Variants in CSGALNACT1 observed in about 807,000 individuals in gnomAD.
The protein encoded by CSGALNACT1 is beta4GalNAcT-1.
CSGALNACT1 carries 52 observed loss-of-function variants against 51.0 expected under a neutral mutation model. The ratio of observed to expected loss-of-function variants is 1.02; its 90% CI spans 0.82 to 1.29. The LOEUF is 1.29. Among genes scored for constraint, CSGALNACT1 ranks in the 50% most tolerant of loss-of-function variants. The pLI is 0.00. For synonymous variants in CSGALNACT1, 341 were observed against 254.4 expected, an observed-to-expected ratio of 1.34 and a Z score of -3.24; for missense variants, 935 against 679.2, an observed-to-expected ratio of 1.38 and a Z score of -4.19.
At chr8:19,723,787 C>T (rs1175350477) in intron 1 of CSGALNACT1, among the ~76,000 whole-genome samples, 3 of 152,148 alleles carry the variant, frequency 2.0e-5, no homozygotes, top group African/African-American at 7.2e-5. Flanking sequence ...CTGGAAAATG[C>T]AAGTGGCTAT....
chr8:19,704,518 G>A (rs7840999), intron 1 of CSGALNACT1, among the ~76,000 whole-genome samples: 2,710 of 152,164 alleles, frequency 0.018, 86 homozygotes, highest in African/African-American at 0.063. Context: ...CAGTATTGAG[G>A]TTCTTCAAAA....
intron 4 of CSGALNACT1, among the ~76,000 whole-genome samples, chr8:19,464,996 T>C (rs984911057): frequency 2.6e-5 from 4 of 152,180 alleles, no homozygotes; most frequent in African/African-American, 9.7e-5. Context: ...TTTCTAGGTC[T>C]ATATCCCAAA....
At chr8:19,659,733 C>A (rs2058602943) in intron 1 of CSGALNACT1, among the ~76,000 whole-genome samples, 1 of 152,172 alleles carries the variant, frequency 6.6e-6, no homozygotes, top group Admixed American at 6.5e-5. Context: ...GGTCATCCAG[C>A]TTTTCCTGTT....
intron 1 of CSGALNACT1, among the ~76,000 whole-genome samples, chr8:19,718,374 T>G (rs2062932239): frequency 1.3e-5 from 2 of 152,174 alleles, no homozygotes; most frequent in Non-Finnish European, 2.9e-5. Context: ...AGTGCTGAGT[T>G]TACAGGCGTG....
intron 1 of CSGALNACT1, among the ~76,000 whole-genome samples, chr8:19,756,907 T>C (rs368326685): frequency 6.6e-6 from 1 of 151,798 alleles, no homozygotes; most frequent in East Asian, 1.9e-4. Flanking sequence ...GGACCCTCCC[T>C]GGAAGCTCCC....
intron 5 of CSGALNACT1, among the ~76,000 whole-genome samples, chr8:19,443,711 C>T (rs1014147459): frequency 6.6e-6 from 1 of 152,186 alleles, no homozygotes; most frequent in African/African-American, 2.4e-5. Flanking sequence ...ACAATTCAAG[C>T]TGAGATGTGG....
intron 1 of CSGALNACT1, among the ~76,000 whole-genome samples, chr8:19,621,546 C>T (rs1190023959): frequency 6.6e-6 from 1 of 152,014 alleles, no homozygotes; most frequent in African/African-American, 2.4e-5. Context: ...TTTGGGAGGC[C>T]AAGGCAGGAG....
chr8:19,420,396 A>G, exon 7 of CSGALNACT1: 1 of 1,614,194 alleles, frequency 6.2e-7, no homozygotes, highest in South Asian at 1.1e-5. Context: ...GTAGATGTCC[A>G]CATCACAGAA....
At chr8:19,522,834 C>G (rs1057272483) in intron 3 of CSGALNACT1, among the ~76,000 whole-genome samples, 10 of 152,154 alleles carry the variant, frequency 6.6e-5, no homozygotes, top group African/African-American at 2.4e-4. Context: ...TAGACACATT[C>G]CCAAGGCTCA....
intron 1 of CSGALNACT1, among the ~76,000 whole-genome samples, chr8:19,737,774 G>T (rs1319345043): frequency 6.6e-6 from 1 of 152,140 alleles, no homozygotes; most frequent in Non-Finnish European, 1.5e-5. Flanking sequence ...CTAGCTAAAT[G>T]CTATTTTCAC....
chr8:19,583,885 T>G (rs148649233), intron 3 of CSGALNACT1, among the ~76,000 whole-genome samples: 1 of 152,180 alleles, frequency 6.6e-6, no homozygotes, highest in Non-Finnish European at 1.5e-5. Context: ...TACTCATACT[T>G]TGGGTTTGAG....
intron 1 of CSGALNACT1, among the ~76,000 whole-genome samples, chr8:19,661,076 CT>C (rs2058709684): frequency 6.9e-6 from 1 of 144,406 alleles, no homozygotes; most frequent in Non-Finnish European, 1.5e-5. Context: ...CCACACCTGG[CT>C]AATTTTTTTT....
intron 1 of CSGALNACT1, among the ~76,000 whole-genome samples, chr8:19,661,078 A>G (rs1198168310): frequency 7.1e-6 from 1 of 141,156 alleles, no homozygotes; most frequent in East Asian, 2.2e-4. Context: ...ACACCTGGCT[A>G]ATTTTTTTTT....
intron 2 of CSGALNACT1, among the ~76,000 whole-genome samples, chr8:19,595,269 G>A (rs1178400023): frequency 6.6e-6 from 1 of 152,100 alleles, no homozygotes; most frequent in African/African-American, 2.4e-5. Context: ...GCGAGTATTA[G>A]CTCTTTGAGA....
At position 19,757,689 on chromosome 8, in the gene CSGALNACT1, C is replaced by T. The variant is rs527627260; in HGVS notation, c.-297+161G>A. On this transcript the variant is annotated intron_variant, in intron 1 of 1. Transcript: ENST00000517494. This position sits in a 1 kb window ranked among gnomAD's most constrained non-coding sequence, Gnocchi z 4.0. ...ACTCTTGCAGGACAGAGTTCCCCAT[C>T]CCCCTGCTCCACCCGCTCTGTTCCC... Among the ~76,000 whole-genome samples, 1 of 152,274 alleles carries T rather than the reference C, an allele frequency of 6.6e-6. No individual in the cohort carries two copies. The highest frequency in any genetic ancestry group is 1.9e-4 in the East Asian group (1 of 5,164).
chr8:19,590,877 G>A (rs961475572), intron 3 of CSGALNACT1, among the ~76,000 whole-genome samples: 25 of 151,720 alleles, frequency 1.6e-4, no homozygotes, highest in African/African-American at 5.3e-4. Flanking sequence ...TTTTGAACTC[G>A]TGACCTCAAG....
intron 9 of CSGALNACT1, among the ~76,000 whole-genome samples, chr8:19,407,746 G>GCACA (rs2054551440): frequency 1.3e-5 from 2 of 152,206 alleles, no homozygotes; most frequent in Non-Finnish European, 2.9e-5. Flanking sequence ...TGAATTGTGT[G>GCACA]TGCATGTGGA....
intron 1 of CSGALNACT1, among the ~76,000 whole-genome samples, chr8:19,664,041 G>T (rs890464378): frequency 6.6e-6 from 1 of 152,190 alleles, no homozygotes; most frequent in Non-Finnish European, 1.5e-5. Flanking sequence ...CGGGCCAGGG[G>T]TAGGCCAGGA....
At chr8:19,413,747 G>A (rs1381766705) in intron 8 of CSGALNACT1, among the ~76,000 whole-genome samples, 2 of 152,284 alleles carry the variant, frequency 1.3e-5, no homozygotes, top group East Asian at 1.9e-4. Flanking sequence ...TAACTGACGG[G>A]TAAGACCACA....
Sources: gnomAD v4.1 joint callset for allele counts (sites outside exome capture counted in the v4.1 genomes callset) on GRCh38, gnomAD v4.1.1 for gene constraint, Gnocchi (gnomAD v3.1) non-coding constraint, MANE v1.5 for transcripts, NCBI Gene and HGNC (gene_info 2026-07-23, HGNC 2026-07-21) for gene names.